The following ITPR2 variants were observed in gnomAD, a reference collection of about 807,000 sequenced individuals.
The protein encoded by ITPR2 is inositol 1,4,5-trisphosphate-gated calcium channel ITPR2.
Under a neutral mutation model 317.1 loss-of-function variants are expected in ITPR2, and 207 were observed. The observed-to-expected ratio is 0.65, with a 90% CI of 0.58 to 0.73. The LOEUF is 0.73. Among genes scored for constraint, ITPR2 ranks in the 30% least tolerant of loss-of-function variants. The probability of loss-of-function intolerance (pLI) is 0.00; values close to 1 mark genes in which losing one functional copy is unlikely to be tolerated. For missense variants in ITPR2, 2,613 were observed against 3,284.0 expected, an observed-to-expected ratio of 0.80 and a Z score of 4.99; for synonymous variants, 1,156 against 1,149.1, an observed-to-expected ratio of 1.01 and a Z score of -0.12.
intron 32 of ITPR2, among the ~76,000 whole-genome samples, chr12:26,594,861 G>C (rs1434407809): frequency 1.3e-5 from 2 of 152,088 alleles, no homozygotes; most frequent in African/African-American, 4.8e-5. Flanking sequence ...ACATATGTCA[G>C]GCAGTATCTA....
chr12:26,803,861 T>C (rs1421717003), intron 1 of ITPR2, among the ~76,000 whole-genome samples: 1 of 151,980 alleles, frequency 6.6e-6, no homozygotes, highest in Non-Finnish European at 1.5e-5. Flanking sequence ...CAGAAAAACC[T>C]CGGGCAACTG....
intron 40 of ITPR2, chr12:26,486,760 G>A (rs1001333908): frequency 1.7e-6 from 1 of 574,816 alleles, no homozygotes; most frequent in Non-Finnish European, 3.3e-6. Context: ...GGTAATTTCT[G>A]TTTTTAAAGT....
chr12:26,589,853 T>TACACACACACACAC (rs56044866), intron 32 of ITPR2, among the ~76,000 whole-genome samples: 10 of 57,314 alleles, frequency 1.7e-4, no homozygotes, highest in African/African-American at 5.7e-4. Flanking sequence ...TATATATATA[T>TACACACACACACAC]ACACACACAC....
chr12:26,441,389 G>C (rs1941485613), intron 46 of ITPR2, among the ~76,000 whole-genome samples: 1 of 152,122 alleles, frequency 6.6e-6, no homozygotes, highest in Non-Finnish European at 1.5e-5. Flanking sequence ...CAAGGCACAG[G>C]GTTCAGTTTT....
intron 39 of ITPR2, among the ~76,000 whole-genome samples, chr12:26,488,569 G>A (rs189024875): frequency 1.8e-4 from 27 of 152,214 alleles, no homozygotes; most frequent in Admixed American, 9.2e-4. Flanking sequence ...CCTACACAGA[G>A]GGCAAGCAAC....
At position 26,500,134 on chromosome 12, in the gene ITPR2, C is replaced by A. The variant is rs1290484987; in HGVS notation, c.5074-4874G>T. ...CAGTTCTGACTTAAGCGGTGAGAGACATGTACTGTGTCCCAATTTGCTTTT... is the reference window on the plus strand; with the variant it reads ...CAGTTCTGACTTAAGCGGTGAGAGAAATGTACTGTGTCCCAATTTGCTTTT... On this transcript the variant is annotated intron_variant, in intron 37 of 56. Coordinates refer to ENST00000381340, the MANE Select transcript of ITPR2 (RefSeq NM_002223.4). 2.0e-5 allele frequency among the ~76,000 whole-genome samples: 3 copies of A among 152,208 alleles called. No individual in the cohort carries two copies. The East Asian group carries it at 5.8e-4, about 29-fold the overall frequency.
chr12:26,385,576 C>T (rs528975371), intron 55 of ITPR2, among the ~76,000 whole-genome samples: 1 of 152,316 alleles, frequency 6.6e-6, no homozygotes, highest in African/African-American at 2.4e-5. Flanking sequence ...GATGAAATAA[C>T]ATCCAAATGC....
At chr12:26,365,100 T>C (rs1307460168) in intron 55 of ITPR2, among the ~76,000 whole-genome samples, 1 of 152,126 alleles carries the variant, frequency 6.6e-6, no homozygotes, top group Admixed American at 6.5e-5. Context: ...CTGGCCCAGG[T>C]AGAACACAGA....
intron 39 of ITPR2, among the ~76,000 whole-genome samples, chr12:26,488,333 T>C (rs1174816308): frequency 6.6e-6 from 1 of 152,012 alleles, no homozygotes. Flanking sequence ...TACTCCAATA[T>C]AAGAACATTT....
chr12:26,701,473 G>A lies in ITPR2; in HGVS notation c.952-5823C>T, dbSNP rs528880364. 1.1e-3 allele frequency among the ~76,000 whole-genome samples: 167 copies of A among 152,254 alleles called. 3 individuals carry two copies. The highest frequency in any genetic ancestry group is 2.6e-4 in the Non-Finnish European group (18 of 68,010). On this transcript the variant is annotated intron_variant, in intron 9 of 56. Transcript: ENST00000381340. ...TATTGTGATTGATAAGCCTAGAAAA[G>A]AAAGGAGAGAAAATAACCTTTACTG...
At chr12:26,345,206 T>G (rs1029266914) in intron 55 of ITPR2, among the ~76,000 whole-genome samples, 3 of 152,310 alleles carry the variant, frequency 2.0e-5, no homozygotes, top group East Asian at 3.9e-4. Context: ...GATTGCTTTC[T>G]GTTCTCTTTT....
At chr12:26,518,435 G>A (rs985588370) in intron 37 of ITPR2, among the ~76,000 whole-genome samples, 1 of 152,030 alleles carries the variant, frequency 6.6e-6, no homozygotes, top group African/African-American at 2.4e-5. Flanking sequence ...TTATTACCAG[G>A]GTGACAAAAT....
At chr12:26,490,686 G>A (rs1195811604) in intron 39 of ITPR2, among the ~76,000 whole-genome samples, 1 of 152,184 alleles carries the variant, frequency 6.6e-6, no homozygotes, top group East Asian at 1.9e-4. Flanking sequence ...GGTAGTGGGT[G>A]CCTGTAATCC....
At chr12:26,455,980 C>A (rs1020129924) in intron 45 of ITPR2, among the ~76,000 whole-genome samples, 5 of 152,152 alleles carry the variant, frequency 3.3e-5, no homozygotes, top group African/African-American at 1.2e-4. Flanking sequence ...AGACAGAATT[C>A]TCCTATGACC....
chr12:26,652,757 C>T (rs958844151), intron 21 of ITPR2, among the ~76,000 whole-genome samples: 1 of 152,230 alleles, frequency 6.6e-6, no homozygotes, highest in Non-Finnish European at 1.5e-5. Flanking sequence ...AAACTCCCTA[C>T]AGGATGAGCT....
intron 37 of ITPR2, among the ~76,000 whole-genome samples, chr12:26,505,114 C>T (rs1252817693): frequency 6.6e-6 from 1 of 152,062 alleles, no homozygotes; most frequent in Non-Finnish European, 1.5e-5. Flanking sequence ...ATATTTAATG[C>T]TTTATAGCTA....
chr12:26,812,203 G>T (rs1346391672), intron 1 of ITPR2, among the ~76,000 whole-genome samples: 1 of 150,508 alleles, frequency 6.6e-6, no homozygotes, highest in South Asian at 2.1e-4. Context: ...AAAATAATCC[G>T]TTGGCACTAA....
At chr12:26,567,980 ATATATATATATATATATTATATATAT>A (rs1157752224) in intron 34 of ITPR2, among the ~76,000 whole-genome samples, 749 of 7,574 alleles carry the variant, frequency 0.099, 49 homozygotes, top group African/African-American at 0.21. Context: ...TATATATATT[ATATATATATATATATATTATATATAT>A]TATATATATA....
chr12:26,675,547 G>C (rs1397070837), intron 13 of ITPR2, among the ~76,000 whole-genome samples: 1 of 152,096 alleles, frequency 6.6e-6, no homozygotes, highest in Non-Finnish European at 1.5e-5. Flanking sequence ...GGACTGTTGT[G>C]GGGTGGGGGA....
Sources: gnomAD v4.1 joint callset for allele counts (sites outside exome capture counted in the v4.1 genomes callset) on GRCh38, gnomAD v4.1.1 for gene constraint, MANE v1.5 for transcripts, NCBI Gene and HGNC (gene_info 2026-07-23, HGNC 2026-07-21) for gene names.